MORC3: variants seen among roughly 807,000 people sequenced by gnomAD.
MORC3 encodes MORC family CW-type zinc finger protein 3.
MORC3 carries 31 observed loss-of-function variants against 109.1 expected under a neutral mutation model. The observed-to-expected ratio is 0.28, with a 90% CI of 0.21 to 0.38. MORC3 has a LOEUF of 0.38. MORC3 is among the 10% of genes least tolerant of loss of function. MORC3 has a pLI of 1.00. For synonymous variants in MORC3, 395 were observed against 380.7 expected, an observed-to-expected ratio of 1.04 and a Z score of -0.44; for missense variants, 867 against 1,135.8, an observed-to-expected ratio of 0.76 and a Z score of 3.40.
Position 36,320,281 on chromosome 21 carries a change from C to G in MORC3, c.17C>G (p.Pro6Arg), listed in dbSNP as rs754800946. ...TCGCTCAAGATGGCGGCGCAGCCAC[C>G]CCGCGGGATACGCCTCAGCGCGGTG... Reference protein sequence around the residue: MAAQPPRGIRLSALCP... With the variant: MAAQPRRGIRLSALCP... The change falls in exon 1 of 17, where the codon CCC becomes CGC. Residue 6 changes from proline to arginine, a missense_variant. Pro to Arg is a moderately radical substitution (Grantham distance 103). Around this residue, in one of 7 missense-constraint regions of MORC3, gnomAD observed 33 missense variants for 18.5 expected, o/e 1.78. Coordinates refer to ENST00000400485, the MANE Select transcript of MORC3 (RefSeq NM_015358.3). The G allele has an allele frequency of 6.3e-7, 1 of 1,579,736 alleles. No individual in the cohort carries two copies. Among genetic ancestry groups the G allele is most frequent in the Non-Finnish European group, 8.6e-7 (1 of 1,164,642 alleles).
intron 9 of MORC3, among the ~76,000 whole-genome samples, chr21:36,350,794 T>G (rs1256143012): frequency 6.6e-6 from 1 of 152,122 alleles, no homozygotes; most frequent in African/African-American, 2.4e-5. Context: ...TCCCACATAC[T>G]AAATTCAGAC....
chr21:36,367,228 A>T (rs1350554623), intron 14 of MORC3, among the ~76,000 whole-genome samples: 1 of 152,206 alleles, frequency 6.6e-6, no homozygotes, highest in Non-Finnish European at 1.5e-5. Context: ...GAAAGTTTGG[A>T]TACTGAATGG....
intron 1 of MORC3, 178 bp downstream of exon 1, chr21:36,320,481 C>G (rs1816646509): frequency 5.6e-6 from 3 of 534,282 alleles, no homozygotes; most frequent in South Asian, 7.7e-5. Flanking sequence ...CGGCTGCGGG[C>G]CGGGCTGCGT....
intron 8 of MORC3, chr21:36,348,125 G>C (rs191067073): frequency 6.6e-6 from 1 of 152,240 alleles, no homozygotes; most frequent in East Asian, 1.9e-4. Context: ...AAATATACTT[G>C]TTAGTCACAC....
intron 1 of MORC3, among the ~76,000 whole-genome samples, chr21:36,322,486 C>T (rs2085204564): frequency 6.6e-6 from 1 of 152,172 alleles, no homozygotes. Context: ...CTTCTTCTGC[C>T]TCAGCCTCCC....
At chr21:36,323,550 A>C (rs142979870) in intron 1 of MORC3, among the ~76,000 whole-genome samples, 28 of 152,278 alleles carry the variant, frequency 1.8e-4, no homozygotes, top group Admixed American at 3.9e-4. Context: ...TTCCTGAAAA[A>C]AGGGTTCATG....
At chr21:36,365,342 A>C (rs2085768421) in intron 14 of MORC3, among the ~76,000 whole-genome samples, 1 of 152,210 alleles carries the variant, frequency 6.6e-6, no homozygotes, top group Non-Finnish European at 1.5e-5. Context: ...ACAAGTGAAG[A>C]AGAATGAATG....
Position 36,369,524 on chromosome 21 carries a change from T to G in MORC3, c.2156T>G (p.Met719Arg), listed in dbSNP as rs2085827746. ...EKENYKRQCH[M>R]FTDQIKVLQQ... Reference sequence around the variant, plus strand: ...GAGAATTATAAAAGACAGTGTCATATGTTTACTGATCAAATCAAAGTGTTA... The same window carrying G: ...GAGAATTATAAAAGACAGTGTCATAGGTTTACTGATCAAATCAAAGTGTTA... The change falls in exon 15 of 17, where the codon ATG becomes AGG. Residue 719 changes from methionine (M) to arginine (R), a missense_variant. Physicochemically the swap from Met to Arg is moderately conservative, Grantham distance 91. Transcript: ENST00000400485. 1 of 1,614,224 alleles carries G rather than the reference T, an allele frequency of 6.2e-7. No homozygotes were observed. Among genetic ancestry groups the G allele is most frequent in the Non-Finnish European group, 8.5e-7 (1 of 1,180,046 alleles).
intron 1 of MORC3, among the ~76,000 whole-genome samples, chr21:36,329,098 G>C (rs1303610568): frequency 3.9e-5 from 6 of 152,038 alleles, no homozygotes. Context: ...TTCGAGACCA[G>C]CGTGGCCAGC....
At chr21:36,334,650 TC>T (rs2085355014) in intron 2 of MORC3, among the ~76,000 whole-genome samples, 1 of 152,204 alleles carries the variant, frequency 6.6e-6, no homozygotes, top group Non-Finnish European at 1.5e-5. Context: ...CAGCATGGAT[TC>T]ATTTTTCTGG....
intron 9 of MORC3, among the ~76,000 whole-genome samples, chr21:36,354,599 A>G (rs983190047): frequency 6.6e-5 from 10 of 152,134 alleles, no homozygotes; most frequent in African/African-American, 2.4e-4. Context: ...CACCGTGCCC[A>G]GTGCATTTTT....
At chr21:36,352,730 T>G (rs1448639789) in intron 9 of MORC3, among the ~76,000 whole-genome samples, 2 of 152,134 alleles carry the variant, frequency 1.3e-5, no homozygotes, top group African/African-American at 4.8e-5. Context: ...GGGGACTGAC[T>G]ACCCCTCAGT....
At chr21:36,367,781 G>T (rs1377331979) in intron 14 of MORC3, among the ~76,000 whole-genome samples, 1 of 152,198 alleles carries the variant, frequency 6.6e-6, no homozygotes, top group Non-Finnish European at 1.5e-5. Flanking sequence ...AACAGATTAT[G>T]TACGGGCAAG....
In MORC3 at chr21:36,375,621, C is replaced by T. The variant is rs910550874; in HGVS notation, c.*325C>T. ...TTCACCAAGAGCTTTTCAGGTTGCC[C>T]CTAAGCTTTGTGCAATTTTTTCTGG... On this transcript the variant is annotated 3_prime_UTR_variant, in exon 17 of 17. Transcript: ENST00000400485. 1 of 166,450 alleles carries T rather than the reference C, an allele frequency of 6.0e-6. No individual in the cohort carries two copies. Among genetic ancestry groups the T allele is most frequent in the African/African-American group, 2.4e-5 (1 of 41,772 alleles). The allele number at this position is 166,450 out of a possible 1,614,324, so 10.3% of individuals were successfully genotyped here.
At chr21:36,339,886 AC>A (rs2085420908) in intron 5 of MORC3, among the ~76,000 whole-genome samples, 1 of 152,054 alleles carries the variant, frequency 6.6e-6, no homozygotes, top group Admixed American at 6.6e-5. Flanking sequence ...TTTCAATTAT[AC>A]TTTCTGAGGT....
intron 15 of MORC3, among the ~76,000 whole-genome samples, chr21:36,370,870 C>T (rs2146343508): frequency 6.6e-6 from 1 of 151,708 alleles, no homozygotes; most frequent in Middle Eastern, 3.4e-3. Context: ...GGTTTCACCA[C>T]ATTGGCCAGG....
intron 10 of MORC3, among the ~76,000 whole-genome samples, chr21:36,359,336 A>G (rs942391471): frequency 1.6e-4 from 25 of 152,028 alleles, no homozygotes; most frequent in African/African-American, 5.3e-4. Context: ...GGGTCTCACT[A>G]TGTTGCCCAG....
chr21:36,369,191 T>G lies in MORC3; in HGVS notation c.1823T>G (p.Val608Gly). The change falls in exon 15 of 17, where the codon GTT becomes GGT. Residue 608 changes from valine (V) to glycine (G), a missense_variant. By Grantham distance (109) the Val-to-Gly change is moderately radical. Coordinates refer to ENST00000400485, the MANE Select transcript of MORC3 (RefSeq NM_015358.3). The part of the protein sequence containing the change: ...SEQSHVEQGG[V>G]QVEFVGDSEP... ...CAGAGTCACGTTGAGCAAGGTGGTGTTCAGGTTGAGTTTGTGGGTGACAGT... is the reference window on the plus strand; with the variant it reads ...CAGAGTCACGTTGAGCAAGGTGGTGGTCAGGTTGAGTTTGTGGGTGACAGT... The G allele has an allele frequency of 6.2e-7, 1 of 1,614,136 alleles. No individual in the cohort carries two copies. The highest frequency in any genetic ancestry group is 8.5e-7 in the Non-Finnish European group (1 of 1,180,024).
At chr21:36,360,540 T>A (rs1395048711) in intron 12 of MORC3, 1 of 437,108 alleles carries the variant, frequency 2.3e-6, no homozygotes, top group Non-Finnish European at 4.1e-6. Flanking sequence ...ACCCCCCCCA[T>A]TGAAGCTTAT....
Sources: allele counts gnomAD v4.1 joint callset (sites outside exome capture counted in the v4.1 genomes callset), GRCh38; gene constraint gnomAD v4.1.1; regional missense constraint gnomAD v4.1.1; transcripts MANE v1.5; gene names NCBI Gene and HGNC (gene_info 2026-07-23, HGNC 2026-07-21).